Variants in RASSF8 observed in about 807,000 individuals in gnomAD.
RASSF8 encodes the protein Ras association domain family member 8.
RASSF8 carries 22 observed loss-of-function variants against 48.5 expected under a neutral mutation model. The observed-to-expected ratio is 0.45, with a 90% CI of 0.32 to 0.65. RASSF8 has a LOEUF of 0.65. Ranked by LOEUF, RASSF8 falls within the 30% of genes least tolerant of loss-of-function variation. The pLI, the probability that RASSF8 is intolerant of heterozygous loss-of-function variation, is 0.03. For missense variants in RASSF8, 418 were observed against 489.2 expected (o/e 0.85, Z 1.37); for synonymous variants, 127 against 171.5 (o/e 0.74, Z 2.03).
chr12:25,983,138 GTAA>G (rs1941783424), intron 1 of RASSF8, among the ~76,000 whole-genome samples: 1 of 152,114 alleles, frequency 6.6e-6, no homozygotes, highest in Admixed American at 6.5e-5. Flanking sequence ...AATTAGGTGT[GTAA>G]TAATCTCAGA....
intron 2 of RASSF8, among the ~76,000 whole-genome samples, chr12:26,006,281 A>G (rs1942389513): frequency 6.6e-6 from 1 of 152,140 alleles, no homozygotes; most frequent in East Asian, 1.9e-4. Flanking sequence ...AGAGTGATTA[A>G]TCTGGGTGCA....
intron 2 of RASSF8, among the ~76,000 whole-genome samples, chr12:26,048,504 A>G (rs1200332648): frequency 1.3e-5 from 2 of 152,206 alleles, no homozygotes; most frequent in Non-Finnish European, 2.9e-5. Context: ...CAGGGCTACT[A>G]GTACTGGAGA....
At chr12:25,984,212 T>A in intron 1 of RASSF8, among the ~76,000 whole-genome samples, 1 of 147,442 alleles carries the variant, frequency 6.8e-6, no homozygotes, top group Non-Finnish European at 1.5e-5. Context: ...AGATGTGCAC[T>A]GCTACACGTA....
chr12:26,026,857 A>C (rs73079023), intron 2 of RASSF8, among the ~76,000 whole-genome samples: 2 of 152,136 alleles, frequency 1.3e-5, no homozygotes, highest in Non-Finnish European at 2.9e-5. Flanking sequence ...AATGTTACAC[A>C]TAGAGTTATC....
At chr12:26,040,416 G>A (rs1479463891) in intron 2 of RASSF8, among the ~76,000 whole-genome samples, 1 of 152,186 alleles carries the variant, frequency 6.6e-6, no homozygotes, top group Non-Finnish European at 1.5e-5. Context: ...AGTGGCCGAG[G>A]GGAGTGGTGA....
At chr12:26,053,338 G>C (rs1943534343) in intron 2 of RASSF8, among the ~76,000 whole-genome samples, 1 of 152,004 alleles carries the variant, frequency 6.6e-6, no homozygotes, top group Non-Finnish European at 1.5e-5. Context: ...CTTTAATCCA[G>C]CTTTTACAAA....
At chr12:25,966,596 T>G (rs1238554046) in intron 1 of RASSF8, among the ~76,000 whole-genome samples, 1 of 152,262 alleles carries the variant, frequency 6.6e-6, no homozygotes, top group Non-Finnish European at 1.5e-5. Context: ...GTATCTTCTT[T>G]GGTGAAGTGT....
At chr12:26,038,176 T>C (rs1943191260) in intron 2 of RASSF8, among the ~76,000 whole-genome samples, 1 of 152,210 alleles carries the variant, frequency 6.6e-6, no homozygotes, top group African/African-American at 2.4e-5. Context: ...TCTCAGACCC[T>C]ACTGTTTTGT....
chr12:26,050,279 C>A (rs1313836160), intron 2 of RASSF8, among the ~76,000 whole-genome samples: 2 of 152,108 alleles, frequency 1.3e-5, no homozygotes, highest in East Asian at 3.8e-4. Context: ...TTTTCAGATG[C>A]TCTTATTAGT....
intron 2 of RASSF8, among the ~76,000 whole-genome samples, chr12:26,010,347 G>A (rs867588936): frequency 1.8e-4 from 28 of 152,312 alleles, no homozygotes; most frequent in Middle Eastern, 3.4e-3. Flanking sequence ...TGTCCCCTGG[G>A]GGACCATCTT....
chr12:26,000,145 T>C (rs1244957812), intron 2 of RASSF8, among the ~76,000 whole-genome samples: 1 of 152,200 alleles, frequency 6.6e-6, no homozygotes, highest in Non-Finnish European at 1.5e-5. Context: ...AAAGTTGTAA[T>C]GCTAGACATT....
chr12:25,963,811 G>A (rs1393543481), intron 1 of RASSF8, among the ~76,000 whole-genome samples: 1 of 152,210 alleles, frequency 6.6e-6, no homozygotes. Context: ...AAGAGGAGGA[G>A]TGAGTAGTTT....
intron 1 of RASSF8, among the ~76,000 whole-genome samples, chr12:25,970,712 G>C (rs1941466250): frequency 6.6e-6 from 1 of 152,046 alleles, no homozygotes; most frequent in Non-Finnish European, 1.5e-5. Context: ...TCACACCCTG[G>C]GCTGGTCAGA....
At chr12:26,032,747 G>A (rs1943055551) in intron 2 of RASSF8, among the ~76,000 whole-genome samples, 1 of 152,120 alleles carries the variant, frequency 6.6e-6, no homozygotes, top group Non-Finnish European at 1.5e-5. Context: ...TTTAAAGCAG[G>A]AATCATAATG....
In RASSF8 at chr12:26,071,267, G is replaced by T. The variant is rs556202534; in HGVS notation, c.*2449G>T. 32 of 983,966 alleles carry T rather than the reference G, an allele frequency of 3.3e-5. 1 individual carries two copies. In the South Asian group the frequency reaches 1.2e-3, roughly 36 times the overall value. The allele number at this position is 983,966 out of a possible 1,614,324, so 61.0% of individuals were successfully genotyped here. A position where few individuals can be genotyped will look rare whatever the true frequency, so the allele number is the denominator to read the frequency against. Reference sequence around the variant, plus strand: ...ATTTTTATCTATTGCAAATACAAATGAATTAGATAAGTGCCACATCCTGGA... The same window carrying T: ...ATTTTTATCTATTGCAAATACAAATTAATTAGATAAGTGCCACATCCTGGA... On this transcript the variant is annotated 3_prime_UTR_variant, in exon 6 of 6. Transcript: ENST00000689635.
chr12:26,067,626 C>T lies in RASSF8; in HGVS notation c.1051C>T (p.Gln351Ter). ...TKELRQVNLQ[Q>*]FIQQTGTKVT... is the part of the protein sequence containing the mutation. ...GGAGTTGCGGCAAGTCAATCTCCAGCAGTTCATCCAGCAGACAGGGACAAA... is the reference window on the plus strand; with the variant it reads ...GGAGTTGCGGCAAGTCAATCTCCAGTAGTTCATCCAGCAGACAGGGACAAA... Residue 351 changes from glutamine to a stop codon, truncating the protein, a stop_gained, in exon 5 of 6, where the codon CAG becomes TAG. Coordinates refer to ENST00000689635, the MANE Select transcript of RASSF8 (RefSeq NM_001394098.1). LOFTEE classifies it high-confidence loss of function. 6.2e-7 allele frequency: 1 copy of T among 1,614,006 alleles called. No homozygotes were observed. Among genetic ancestry groups the T allele is most frequent in the Non-Finnish European group, 8.5e-7 (1 of 1,179,906 alleles).
At position 26,072,512 on chromosome 12, in the gene RASSF8, T is replaced by C. The variant is rs1402882001; in HGVS notation, c.*3694T>C. The stretch of plus-strand genomic sequence containing the variant: ...TAAACCAGCAGAAATATAAAGGCAA[T>C]AAAGTATATACATATATATGGGGGG... On this transcript the variant is annotated 3_prime_UTR_variant, in exon 6 of 6. Coordinates refer to ENST00000689635, the MANE Select transcript of RASSF8 (RefSeq NM_001394098.1). 1 of 973,374 alleles carries C rather than the reference T, an allele frequency of 1.0e-6. No individual in the cohort carries two copies. The highest frequency in any genetic ancestry group is 1.2e-6 in the Non-Finnish European group (1 of 819,098). The allele number at this position is 973,374 out of a possible 1,614,324, so 60.3% of individuals were successfully genotyped here.
At chr12:26,018,674 C>G (rs981809730) in intron 2 of RASSF8, among the ~76,000 whole-genome samples, 1 of 152,142 alleles carries the variant, frequency 6.6e-6, no homozygotes, top group Non-Finnish European at 1.5e-5. Context: ...ATGCCACTCT[C>G]AGAGGAAAGA....
rs12299377 is a variant in RASSF8, at chr12:26,012,048, A to G, written c.-109+16918A>G. 7.0e-3 allele frequency among the ~76,000 whole-genome samples: 1,066 copies of G among 152,316 alleles called. 13 individuals carry two copies. Among genetic ancestry groups the G allele is most frequent in the African/African-American group, 0.024 (1,011 of 41,562 alleles). On this transcript the variant is annotated intron_variant, in intron 2 of 5. Coordinates refer to ENST00000689635, the MANE Select transcript of RASSF8 (RefSeq NM_001394098.1). ...ATGTTTTTTGAAACAATTAGGTACA[A>G]TGTGTATTGTTTTTCTTTATCTTAT... is the stretch of plus-strand genomic sequence containing the variant.
Sources: allele counts gnomAD v4.1 joint callset (sites outside exome capture counted in the v4.1 genomes callset), GRCh38; gene constraint gnomAD v4.1.1; transcripts MANE v1.5; gene names NCBI Gene and HGNC (gene_info 2026-07-23, HGNC 2026-07-21).